Variants in NME8 observed in about 807,000 individuals in gnomAD.
NME8 encodes the protein NME/NM23 family member 8.
In NME8, 72 loss-of-function variants were observed where a neutral mutation model predicts 82.3. The observed-to-expected ratio is 0.87, with a 90% CI of 0.72 to 1.06. The LOEUF (loss-of-function observed/expected upper bound fraction) is 1.06. Ranked by LOEUF, NME8 falls within the 50% of genes least tolerant of loss-of-function variation. NME8 has a pLI of 0.00. For synonymous variants in NME8, 267 were observed against 228.5 expected (o/e 1.17, Z -1.52); for missense variants, 712 against 685.4 (o/e 1.04, Z -0.43).
At chr7:37,868,035 C>A (rs1784715242) in intron 11 of NME8, 137 bp downstream of exon 11, 4 of 753,380 alleles carry the variant, frequency 5.3e-6, no homozygotes, top group Non-Finnish European at 9.2e-6. Flanking sequence ...ACCTAACATA[C>A]TGTATATTCA....
intron 12 of NME8, among the ~76,000 whole-genome samples, chr7:37,880,005 A>T (rs1231786901): frequency 6.6e-6 from 1 of 151,984 alleles, no homozygotes; most frequent in Non-Finnish European, 1.5e-5. Context: ...TTCTTTGATG[A>T]TGTGTTGTCT....
intron 15 of NME8, among the ~76,000 whole-genome samples, chr7:37,892,351 A>G (rs1302936081): frequency 6.7e-6 from 1 of 149,706 alleles, no homozygotes; most frequent in African/African-American, 2.5e-5. Context: ...TTTTTTTCTT[A>G]GGGATTTCAC....
At chr7:37,875,164 A>T (rs1227423609) in intron 11 of NME8, among the ~76,000 whole-genome samples, 2 of 152,234 alleles carry the variant, frequency 1.3e-5, no homozygotes, top group African/African-American at 4.8e-5. Context: ...GAAAGACAAA[A>T]GAGGTTGAGT....
intron 12 of NME8, among the ~76,000 whole-genome samples, chr7:37,877,711 G>A (rs1398080227): frequency 6.6e-6 from 1 of 152,158 alleles, no homozygotes; most frequent in Non-Finnish European, 1.5e-5. Flanking sequence ...TGTCCAGGGT[G>A]GAGGATTGAC....
intron 10 of NME8, among the ~76,000 whole-genome samples, chr7:37,866,273 T>C (rs537236156): frequency 1.3e-5 from 2 of 152,218 alleles, no homozygotes; most frequent in East Asian, 3.9e-4. Context: ...ACATTTTAAG[T>C]GTTCAAATCC....
At chr7:37,870,274 A>G (rs941987227) in intron 11 of NME8, among the ~76,000 whole-genome samples, 13 of 151,754 alleles carry the variant, frequency 8.6e-5, no homozygotes, top group African/African-American at 2.9e-4. Flanking sequence ...CGCAAAAAAT[A>G]TATATCATAA....
chr7:37,861,991 A>T (rs770252954), intron 6 of NME8, 37 bp from the exon 7 acceptor site: 1 of 1,344,242 alleles, frequency 7.4e-7, no homozygotes, highest in Non-Finnish European at 1.1e-6. Flanking sequence ...GTGTTCTCCA[A>T]ATGAAAGTTC....
chr7:37,864,444 GATTAA>G, intron 9 of NME8, 23 bp downstream of exon 9: 1 of 1,534,322 alleles, frequency 6.5e-7, no homozygotes, highest in Non-Finnish European at 8.9e-7. Context: ...TTCCAACTAT[GATTAA>G]ATTAATTGCA....
At chr7:37,894,659 C>T in intron 16 of NME8, 49 bp downstream of exon 16, 1 of 1,486,418 alleles carries the variant, frequency 6.7e-7, no homozygotes, top group Non-Finnish European at 9.2e-7. Context: ...GGTAAATGTT[C>T]ATTATAGAAA....
chr7:37,865,764 A>G (rs981874257), intron 10 of NME8, 147 bp downstream of exon 10: 3 of 651,364 alleles, frequency 4.6e-6, no homozygotes, highest in Admixed American at 2.5e-5. Context: ...CATATCATGG[A>G]GATGCCAATG....
chr7:37,850,292 A>G lies in NME8; in HGVS notation c.26A>G (p.Gln9Arg). 1.2e-6 allele frequency: 2 copies of G among 1,614,194 alleles called. No individual in the cohort carries two copies. Among genetic ancestry groups the G allele is most frequent in the Non-Finnish European group, 1.7e-6 (2 of 1,179,990 alleles). The change falls in exon 3 of 18, where the codon CAG (glutamine) becomes CGG (arginine). Residue 9 changes from glutamine (Q) to arginine (R), a missense_variant. Coordinates refer to ENST00000199447, the MANE Select transcript of NME8 (RefSeq NM_016616.5). ...ATGGCAAGCAAAAAACGAGAAGTCCAGTTACAGGTGGGTCTGACATATCAA... is the reference window on the plus strand; with the variant it reads ...ATGGCAAGCAAAAAACGAGAAGTCCGGTTACAGGTGGGTCTGACATATCAA... MASKKREV[Q>R]LQTVINNQSL...
intron 16 of NME8, 115 bp downstream of exon 16, chr7:37,894,725 G>C (rs780601558): frequency 7.6e-6 from 8 of 1,051,990 alleles, no homozygotes; most frequent in Non-Finnish European, 1.1e-5. Context: ...TTCATGAAAA[G>C]ACATTCTGCT....
chr7:37,892,284 T>C (rs1785140714), intron 15 of NME8, among the ~76,000 whole-genome samples: 1 of 151,896 alleles, frequency 6.6e-6, no homozygotes. Flanking sequence ...TTCTCTTATT[T>C]CAAGATGGTT....
intron 16 of NME8, among the ~76,000 whole-genome samples, chr7:37,895,718 T>C (rs1785217441): frequency 6.6e-6 from 1 of 152,168 alleles, no homozygotes; most frequent in African/African-American, 2.4e-5. Context: ...ATCATGGAGC[T>C]GAAAAATTCC....
chr7:37,883,384 C>A (rs1285679998), intron 12 of NME8, among the ~76,000 whole-genome samples: 1 of 152,262 alleles, frequency 6.6e-6, no homozygotes, highest in Non-Finnish European at 1.5e-5. Flanking sequence ...GTTTTCCTTT[C>A]TTTTCTGTGA....
In NME8 at chr7:37,896,863, T is replaced by C. The variant is rs1785236206; in HGVS notation, c.1545-7T>C. On this transcript the variant is annotated splice_polypyrimidine_tract_variant and splice_region_variant and intron_variant, in intron 16 of 17. Coordinates refer to ENST00000199447, the MANE Select transcript of NME8 (RefSeq NM_016616.5). ...GCTGGGTCTTCTGAAAGCACCGTTC[T>C]TTGCAGGGGTCCATCTATGGTCATG... 21 of 1,612,908 alleles carry C rather than the reference T, an allele frequency of 1.3e-5. No individual in the cohort carries two copies. The highest frequency in any genetic ancestry group is 1.8e-5 in the Non-Finnish European group (21 of 1,178,982).
intron 11 of NME8, among the ~76,000 whole-genome samples, chr7:37,873,782 G>A (rs543302186): frequency 1.3e-5 from 2 of 152,324 alleles, no homozygotes; most frequent in East Asian, 3.9e-4. Flanking sequence ...TGAACTCCAA[G>A]AGTACATAGG....
At chr7:37,864,553 G>A in intron 9 of NME8, 132 bp downstream of exon 9, 1 of 915,556 alleles carries the variant, frequency 1.1e-6, no homozygotes, top group Non-Finnish European at 1.6e-6. Context: ...TACCTCTAGA[G>A]GCTTTGAGTA....
At chr7:37,889,042 T>C (rs1268049823) in intron 15 of NME8, among the ~76,000 whole-genome samples, 1 of 152,006 alleles carries the variant, frequency 6.6e-6, no homozygotes, top group East Asian at 1.9e-4. Context: ...TTTGGTAAAA[T>C]TTTCCTGTGA....
Sources: gnomAD v4.1 joint callset for allele counts (sites outside exome capture counted in the v4.1 genomes callset) on GRCh38, gnomAD v4.1.1 for gene constraint, MANE v1.5 for transcripts, NCBI Gene and HGNC (gene_info 2026-07-23, HGNC 2026-07-21) for gene names.